The following DNAJC15 variants were observed in gnomAD, a reference collection of about 807,000 sequenced individuals.
DNAJC15 encodes the protein dnaJ homolog subfamily C member 15.
Under a neutral mutation model 22.4 loss-of-function variants are expected in DNAJC15, and 27 were observed. That is an observed-to-expected ratio of 1.20 (90% CI 0.89 to 1.66). The LOEUF is 1.66. Among genes scored for constraint, DNAJC15 ranks in the 40% most tolerant of loss-of-function variants. The probability of loss-of-function intolerance (pLI) is 0.00; values close to 1 mark genes in which losing one functional copy is unlikely to be tolerated. For missense variants in DNAJC15, 208 were observed against 187.1 expected, an observed-to-expected ratio of 1.11 and a Z score of -0.65; for synonymous variants, 79 against 63.2, an observed-to-expected ratio of 1.25 and a Z score of -1.19.
At chr13:43,031,148 G>A (rs2040402625) in intron 1 of DNAJC15, among the ~76,000 whole-genome samples, 1 of 152,146 alleles carries the variant, frequency 6.6e-6, no homozygotes, top group African/African-American at 2.4e-5. Context: ...AAATGAGAGA[G>A]CACTTGCTTT....
intron 1 of DNAJC15, among the ~76,000 whole-genome samples, chr13:43,045,624 G>C (rs1485103630): frequency 6.6e-6 from 1 of 152,170 alleles, no homozygotes; most frequent in Non-Finnish European, 1.5e-5. Flanking sequence ...TCTAAGTCAT[G>C]AGTTGATTTT....
At chr13:43,061,992 A>G (rs563255629) in intron 1 of DNAJC15, among the ~76,000 whole-genome samples, 1 of 152,342 alleles carries the variant, frequency 6.6e-6, no homozygotes, top group African/African-American at 2.4e-5. Context: ...CGTCTCTCAC[A>G]TGCAATACAG....
chr13:43,049,892 C>T (rs1187468658), intron 1 of DNAJC15, among the ~76,000 whole-genome samples: 1 of 152,004 alleles, frequency 6.6e-6, no homozygotes, highest in Non-Finnish European at 1.5e-5. Flanking sequence ...TTATTCTGGG[C>T]CAGTTAAAGT....
chr13:43,079,093 T>C (rs1275710232), intron 4 of DNAJC15, among the ~76,000 whole-genome samples: 1 of 152,238 alleles, frequency 6.6e-6, no homozygotes, highest in Non-Finnish European at 1.5e-5. Context: ...AGCATATTTA[T>C]TGTGCTTGTT....
chr13:43,025,263 T>G (rs1368687857), intron 1 of DNAJC15, among the ~76,000 whole-genome samples: 1 of 152,144 alleles, frequency 6.6e-6, no homozygotes, highest in Non-Finnish European at 1.5e-5. Context: ...AAGTAATCCT[T>G]TTGTGGAGAG....
At position 43,095,575 on chromosome 13, in the gene DNAJC15, G is replaced by A. The variant is rs538529238; in HGVS notation, c.382+9737G>A. Among the ~76,000 whole-genome samples, 26 of 152,106 alleles carry A rather than the reference G, an allele frequency of 1.7e-4. 1 individual carries two copies. The South Asian group carries it at 5.2e-3, about 30-fold the overall frequency. ...AAGAGGTCATGGAAAGTGAAAGTATGGATAAGAAATAGGAGGAAAAAACCC... is the reference window on the plus strand; with the variant it reads ...AAGAGGTCATGGAAAGTGAAAGTATAGATAAGAAATAGGAGGAAAAAACCC... On this transcript the variant is annotated intron_variant, in intron 5 of 5. Transcript: ENST00000379221.
chr13:43,066,230 G>A (rs1033125142), intron 2 of DNAJC15, among the ~76,000 whole-genome samples: 10 of 151,406 alleles, frequency 6.6e-5, no homozygotes, highest in South Asian at 4.2e-4. Flanking sequence ...CTAAAATTAC[G>A]TTTTTCGAAA....
Position 43,089,731 on chromosome 13 carries a change from T to C in DNAJC15, c.382+3893T>C, listed in dbSNP as rs577654201. ...TGTTCCAAATGCAAAGGGAAGTTAC[T>C]GTTAACTTTTAAACAGTAGAGTGAT... On this transcript the variant is annotated intron_variant, in intron 5 of 5. Transcript: ENST00000379221. Among the ~76,000 whole-genome samples the C allele has an allele frequency of 2.6e-5, 4 of 152,386 alleles. No homozygotes were observed. The East Asian group carries it at 7.7e-4, about 29-fold the overall frequency.
intron 1 of DNAJC15, among the ~76,000 whole-genome samples, chr13:43,053,076 G>A (rs561514110): frequency 9.9e-5 from 15 of 152,222 alleles, no homozygotes; most frequent in African/African-American, 3.6e-4. Flanking sequence ...CTTGATTTTT[G>A]TATAAGGTGA....
chr13:43,105,195 C>T lies in DNAJC15; in HGVS notation c.383-1983C>T, dbSNP rs9594887. Among the ~76,000 whole-genome samples the T allele has an allele frequency of 2.1e-3, 314 of 152,174 alleles. 2 individuals are homozygous for T. The highest frequency in any genetic ancestry group is 7.3e-3 in the African/African-American group (302 of 41,518). ...CAGAGCTACTCTGTCAGGGAAGCTGCTGCCTCACAGGCTGCCACTAGAACT... is the reference window on the plus strand; with the variant it reads ...CAGAGCTACTCTGTCAGGGAAGCTGTTGCCTCACAGGCTGCCACTAGAACT... On this transcript the variant is annotated intron_variant, in intron 5 of 5. Transcript: ENST00000379221.
intron 1 of DNAJC15, among the ~76,000 whole-genome samples, chr13:43,051,847 G>C (rs895136747): frequency 6.6e-6 from 1 of 152,122 alleles, no homozygotes; most frequent in African/African-American, 2.4e-5. Context: ...TCTACTTTTA[G>C]TTCTTTAAGG....
At chr13:43,027,490 C>T (rs1371449767) in intron 1 of DNAJC15, among the ~76,000 whole-genome samples, 5 of 152,102 alleles carry the variant, frequency 3.3e-5, no homozygotes, top group South Asian at 2.1e-4. Flanking sequence ...AATCCTGATA[C>T]GTGAAAACTA....
At chr13:43,106,809 A>C (rs1262064312) in intron 5 of DNAJC15, among the ~76,000 whole-genome samples, 1 of 151,916 alleles carries the variant, frequency 6.6e-6, no homozygotes, top group Non-Finnish European at 1.5e-5. Flanking sequence ...AAAAAAAAAA[A>C]AACAGTCATG....
intron 1 of DNAJC15, among the ~76,000 whole-genome samples, chr13:43,024,458 C>G (rs2040370060): frequency 6.7e-6 from 1 of 150,274 alleles, no homozygotes; most frequent in Non-Finnish European, 1.5e-5. Flanking sequence ...ATTCTCCTGC[C>G]TCAGCCTCCC....
At chr13:43,062,149 A>G (rs1450223633) in intron 1 of DNAJC15, among the ~76,000 whole-genome samples, 1 of 152,164 alleles carries the variant, frequency 6.6e-6, no homozygotes, top group Non-Finnish European at 1.5e-5. Flanking sequence ...ATGATGAATC[A>G]CTTAGGGACT....
chr13:43,055,317 A>G (rs562831593), intron 1 of DNAJC15, among the ~76,000 whole-genome samples: 1 of 151,880 alleles, frequency 6.6e-6, no homozygotes, highest in Admixed American at 6.6e-5. Context: ...AGGATAAGAC[A>G]TCCCCTCCTC....
At chr13:43,026,560 G>A (rs563863716) in intron 1 of DNAJC15, among the ~76,000 whole-genome samples, 1 of 152,156 alleles carries the variant, frequency 6.6e-6, no homozygotes, top group Admixed American at 6.5e-5. Flanking sequence ...AGGGAACTTG[G>A]AAGTACTGAA....
intron 1 of DNAJC15, among the ~76,000 whole-genome samples, chr13:43,050,702 CA>C (rs2040498917): frequency 6.6e-6 from 1 of 151,982 alleles, no homozygotes; most frequent in East Asian, 1.9e-4. Context: ...ATTTTAATAT[CA>C]AATTAAAATA....
intron 1 of DNAJC15, among the ~76,000 whole-genome samples, chr13:43,034,532 G>T (rs140538996): frequency 0.011 from 1,741 of 151,656 alleles, 19 homozygotes; most frequent in Non-Finnish European, 0.017. Context: ...AGCCAGGATG[G>T]TCTTGTTCTC....
Sources: gnomAD v4.1 joint callset for allele counts (sites outside exome capture counted in the v4.1 genomes callset) on GRCh38, gnomAD v4.1.1 for gene constraint, MANE v1.5 for transcripts, NCBI Gene and HGNC (gene_info 2026-07-23, HGNC 2026-07-21) for gene names.